Variants in CABIN1 observed in about 807,000 individuals in gnomAD.
CABIN1 encodes calcineurin-binding protein cabin-1.
In CABIN1, 133 loss-of-function variants were observed where a neutral mutation model predicts 227.7. The ratio of observed to expected loss-of-function variants is 0.58; its 90% confidence interval spans 0.51 to 0.67. The LOEUF (loss-of-function observed/expected upper bound fraction) is 0.67. Ranked by LOEUF, CABIN1 falls within the 30% of genes least tolerant of loss-of-function variation. The pLI, the probability that CABIN1 is intolerant of heterozygous loss-of-function variation, is 0.00. For synonymous variants in CABIN1, 1,086 were observed against 1,155.1 expected, an observed-to-expected ratio of 0.94 and a Z score of 1.21; for missense variants, 2,408 against 2,852.5, an observed-to-expected ratio of 0.84 and a Z score of 3.55.
intron 29 of CABIN1, among the ~76,000 whole-genome samples, chr22:24,154,619 CCTT>C (rs2045675183): frequency 2.0e-5 from 3 of 152,214 alleles, no homozygotes; most frequent in African/African-American, 7.2e-5. Context: ...AACCCAGCCT[CCTT>C]CTTCTGTGTC....
At chr22:24,062,809 C>A in intron 13 of CABIN1, 150 bp from the exon 14 acceptor site, 1 of 790,016 alleles carries the variant, frequency 1.3e-6, no homozygotes, top group Non-Finnish European at 2.3e-6. Context: ...TCTCTGATGC[C>A]TGCCACTCAG....
At chr22:24,134,713 G>C (rs780122224) in intron 29 of CABIN1, among the ~76,000 whole-genome samples, 3 of 152,228 alleles carry the variant, frequency 2.0e-5, no homozygotes, top group Non-Finnish European at 4.4e-5. Context: ...CAGGGGTACA[G>C]GCCCAGGTTT....
At chr22:24,119,751 T>C in intron 28 of CABIN1, 53 bp downstream of exon 28, 1 of 1,512,454 alleles carries the variant, frequency 6.6e-7, no homozygotes, top group Non-Finnish European at 9.2e-7. Flanking sequence ...CAGCTGGGCA[T>C]CTTTGAAGGT....
intron 29 of CABIN1, among the ~76,000 whole-genome samples, chr22:24,157,705 A>G (rs1375521472): frequency 1.3e-5 from 2 of 152,188 alleles, no homozygotes; most frequent in South Asian, 2.1e-4. Context: ...GTTTGTGGGT[A>G]ACAGGGGTCT....
At chr22:24,054,801 G>C in intron 8 of CABIN1, 72 bp from the exon 9 acceptor site, 2 of 1,600,862 alleles carry the variant, frequency 1.2e-6, no homozygotes, top group East Asian at 2.2e-5. Context: ...GTGCAGGCAG[G>C]CCATTTTCCA....
chr22:24,017,039 C>CTTTTT (rs767688741), intron 1 of CABIN1, among the ~76,000 whole-genome samples: 11 of 122,196 alleles, frequency 9.0e-5, no homozygotes, highest in South Asian at 2.7e-4. Context: ...TACAATTTAT[C>CTTTTT]TTTTTTTTTT....
At chr22:24,122,339 C>CT (rs2043465404) in intron 28 of CABIN1, among the ~76,000 whole-genome samples, 2 of 152,044 alleles carry the variant, frequency 1.3e-5, no homozygotes, top group African/African-American at 2.4e-5. Flanking sequence ...TGGATTTTGG[C>CT]TTTTTTCAGA....
chr22:24,092,866 T>C (rs2041641203), intron 24 of CABIN1, among the ~76,000 whole-genome samples: 1 of 152,134 alleles, frequency 6.6e-6, no homozygotes, highest in South Asian at 2.1e-4. Flanking sequence ...TATAAACATA[T>C]AGTAACATTT....
At chr22:24,156,290 C>A (rs1231478794) in intron 29 of CABIN1, among the ~76,000 whole-genome samples, 2 of 152,234 alleles carry the variant, frequency 1.3e-5, no homozygotes, top group East Asian at 1.9e-4. Context: ...CCGGCGCCCC[C>A]GCGGAGGAAA....
chr22:24,085,216 A>G (rs1270560965), intron 22 of CABIN1, 65 bp downstream of exon 22: 22 of 1,577,440 alleles, frequency 1.4e-5, no homozygotes, highest in Non-Finnish European at 1.8e-5. Flanking sequence ...CAGCTCAGCA[A>G]GCTCTTCAGT....
intron 29 of CABIN1, among the ~76,000 whole-genome samples, chr22:24,136,522 G>GTTTTTT (rs2044413985): frequency 3.9e-5 from 3 of 77,372 alleles, no homozygotes; most frequent in African/African-American, 2.0e-4. Flanking sequence ...GCTAATTTTT[G>GTTTTTT]TATTTTTTTT....
intron 26 of CABIN1, among the ~76,000 whole-genome samples, chr22:24,111,434 T>C (rs987175358): frequency 1.2e-4 from 18 of 152,154 alleles, no homozygotes; most frequent in African/African-American, 4.3e-4. Flanking sequence ...TAGATTCTTA[T>C]AGGAGCGTGA....
chr22:24,030,875 A>C (rs1435022995), intron 1 of CABIN1, among the ~76,000 whole-genome samples: 1 of 152,108 alleles, frequency 6.6e-6, no homozygotes, highest in East Asian at 1.9e-4. Context: ...CAGCTCTGCG[A>C]TTGGACTTGC....
chr22:24,137,282 C>T (rs1254850024), intron 29 of CABIN1, among the ~76,000 whole-genome samples: 2 of 152,190 alleles, frequency 1.3e-5, no homozygotes, highest in South Asian at 2.1e-4. Flanking sequence ...CTGGGGAAGC[C>T]GGCCCCTCAG....
At chr22:24,059,498 T>A in intron 11 of CABIN1, 135 bp downstream of exon 11, 1 of 1,083,262 alleles carries the variant, frequency 9.2e-7, no homozygotes, top group Non-Finnish European at 1.4e-6. Context: ...TGGATTAGTC[T>A]TGGACCTAAG....
In CABIN1 at chr22:24,176,629, A is replaced by G. The variant is rs536403711; in HGVS notation, c.6205+354A>G. On this transcript the variant is annotated intron_variant, in intron 35 of 36. Coordinates refer to ENST00000263119, the MANE Select transcript of CABIN1 (RefSeq NM_012295.4). Reference sequence around the variant, plus strand: ...TGGGGAAAGAGGAGTAGGCATGGACAGGGCGGAGCATGGGCCTGGTGACAG... The same window carrying G: ...TGGGGAAAGAGGAGTAGGCATGGACGGGGCGGAGCATGGGCCTGGTGACAG... Among the ~76,000 whole-genome samples, 651 of 152,274 alleles carry G rather than the reference A, an allele frequency of 4.3e-3. 7 individuals are homozygous for G. Among genetic ancestry groups the G allele is most frequent in the African/African-American group, 0.015 (610 of 41,566 alleles).
At chr22:24,082,145 A>G (rs901280057) in intron 19 of CABIN1, among the ~76,000 whole-genome samples, 4 of 137,268 alleles carry the variant, frequency 2.9e-5, no homozygotes, top group African/African-American at 1.1e-4. Flanking sequence ...CTAAGAGTGC[A>G]GTGGTACGAT....
chr22:24,139,960 A>G (rs1374248217), intron 29 of CABIN1, among the ~76,000 whole-genome samples: 1 of 152,266 alleles, frequency 6.6e-6, no homozygotes, highest in African/African-American at 2.4e-5. Flanking sequence ...ACAGTAGAGC[A>G]CTGCCTGCAT....
intron 19 of CABIN1, among the ~76,000 whole-genome samples, chr22:24,076,695 G>A (rs2040468325): frequency 1.3e-5 from 2 of 152,186 alleles, no homozygotes; most frequent in African/African-American, 2.4e-5. Flanking sequence ...ATGCCAAGTA[G>A]TAGTTGCTCA....
Sources: allele counts gnomAD v4.1 joint callset (sites outside exome capture counted in the v4.1 genomes callset), GRCh38; gene constraint gnomAD v4.1.1; transcripts MANE v1.5; gene names NCBI Gene and HGNC (gene_info 2026-07-23, HGNC 2026-07-21).